The following SHISA9 variants were observed in gnomAD, a reference collection of about 807,000 sequenced individuals.
SHISA9 encodes the protein protein shisa-9.
SHISA9 carries 13 observed loss-of-function variants against 38.0 expected under a neutral mutation model. That is an observed-to-expected ratio of 0.34 (90% CI 0.22 to 0.54). The LOEUF is 0.54. Ranked by LOEUF, SHISA9 falls within the 20% of genes least tolerant of loss-of-function variation. SHISA9 has a pLI of 0.91. For missense variants in SHISA9, 538 were observed against 575.8 expected, an observed-to-expected ratio of 0.93 and a Z score of 0.67; for synonymous variants, 275 against 242.0, an observed-to-expected ratio of 1.14 and a Z score of -1.27.
chr16:13,470,836 C>G, the SHISA9 span, among the ~76,000 whole-genome samples: 1 of 152,170 alleles, frequency 6.6e-6, no homozygotes, highest in East Asian at 1.9e-4. Flanking sequence ...CTCAGAGTCT[C>G]ATTTCAGGGG....
At chr16:13,191,960 G>T (rs929508619) in intron 2 of SHISA9, among the ~76,000 whole-genome samples, 1 of 152,132 alleles carries the variant, frequency 6.6e-6, no homozygotes, top group Admixed American at 6.5e-5. Flanking sequence ...AGGAGTGAGG[G>T]TTGGAAACTG....
chr16:13,189,279 G>A (rs1185971656), intron 2 of SHISA9, among the ~76,000 whole-genome samples: 53 of 152,212 alleles, frequency 3.5e-4, no homozygotes, highest in Non-Finnish European at 7.3e-5. Context: ...CATGGTAGAA[G>A]GAAGATGCTC....
the SHISA9 span, among the ~76,000 whole-genome samples, chr16:13,535,414 C>T: frequency 6.6e-6 from 1 of 152,094 alleles, no homozygotes; most frequent in Admixed American, 6.6e-5. Context: ...TCAATCTGGC[C>T]ACTTATTACT....
chr16:13,013,496 C>T (rs1596584346), intron 2 of SHISA9, among the ~76,000 whole-genome samples: 1 of 152,112 alleles, frequency 6.6e-6, no homozygotes, highest in Non-Finnish European at 1.5e-5. Context: ...CTAAGTTCCG[C>T]GTGGCTAGGG....
chr16:13,437,825 T>C, the SHISA9 span, among the ~76,000 whole-genome samples: 2 of 117,646 alleles, frequency 1.7e-5, no homozygotes, highest in African/African-American at 5.4e-5. Flanking sequence ...GTGGTGGATC[T>C]AAGAGAAGGC....
chr16:13,038,114 C>G (rs906864969), intron 2 of SHISA9, among the ~76,000 whole-genome samples: 1 of 152,230 alleles, frequency 6.6e-6, no homozygotes, highest in Non-Finnish European at 1.5e-5. Flanking sequence ...CTCAGCCACC[C>G]GAGTAGCTGG....
intron 2 of SHISA9, among the ~76,000 whole-genome samples, chr16:13,137,245 T>A (rs150259292): frequency 7.9e-5 from 12 of 152,256 alleles, no homozygotes; most frequent in Middle Eastern, 3.4e-3. Context: ...CCATAATAGA[T>A]GCTGTTGTGT....
At chr16:13,305,465 A>C in the SHISA9 span, among the ~76,000 whole-genome samples, 104,020 of 151,898 alleles carry the variant, frequency 0.68, 35,807 homozygotes, top group African/African-American at 0.75. Context: ...AATGTGCCTC[A>C]TGAGAATGGG....
the SHISA9 span, among the ~76,000 whole-genome samples, chr16:13,492,642 A>G: frequency 6.6e-5 from 10 of 152,216 alleles, no homozygotes; most frequent in African/African-American, 1.9e-4. Flanking sequence ...AGTATCTAAC[A>G]TAGCACCTGA....
chr16:13,397,474 C>T, the SHISA9 span, among the ~76,000 whole-genome samples: 1,014 of 152,252 alleles, frequency 6.7e-3, 7 homozygotes, highest in African/African-American at 0.023. Context: ...CTGCCCGCCC[C>T]GCTGGGGTGC....
the SHISA9 span, among the ~76,000 whole-genome samples, chr16:13,537,046 C>G: frequency 6.6e-6 from 1 of 152,136 alleles, no homozygotes; most frequent in African/African-American, 2.4e-5. Flanking sequence ...AGCTCCACTT[C>G]TGGAATCCCA....
At chr16:13,196,087 CAAAAAA>C (rs1172680715) in intron 2 of SHISA9, among the ~76,000 whole-genome samples, 1 of 14,144 alleles carries the variant, frequency 7.1e-5, no homozygotes, top group African/African-American at 3.3e-4. Context: ...GACTCTCTCT[CAAAAAA>C]AAAAAAAAAA....
chr16:13,020,563 C>T (rs1003723233), intron 2 of SHISA9, among the ~76,000 whole-genome samples: 6 of 152,170 alleles, frequency 3.9e-5, no homozygotes, highest in Non-Finnish European at 8.8e-5. Flanking sequence ...ACCTTAATGA[C>T]TTCCTTAAAG....
intron 2 of SHISA9, among the ~76,000 whole-genome samples, chr16:12,952,258 T>C (rs1463344522): frequency 6.6e-6 from 1 of 152,168 alleles, no homozygotes; most frequent in Non-Finnish European, 1.5e-5. Flanking sequence ...CCAGAGAACT[T>C]TCTGTGACCT....
the SHISA9 span, among the ~76,000 whole-genome samples, chr16:13,406,927 G>T: frequency 7.2e-5 from 11 of 152,068 alleles, no homozygotes; most frequent in African/African-American, 2.2e-4. Context: ...AATTAGCTGG[G>T]TGTGGTGGCG....
the SHISA9 span, among the ~76,000 whole-genome samples, chr16:13,550,379 T>A: frequency 6.6e-6 from 1 of 152,212 alleles, no homozygotes; most frequent in African/African-American, 2.4e-5. Flanking sequence ...AAACCTTCTA[T>A]AATTTGAACT....
chr16:13,544,484 T>C, the SHISA9 span, among the ~76,000 whole-genome samples: 1 of 140,588 alleles, frequency 7.1e-6, no homozygotes, highest in Non-Finnish European at 1.5e-5. Context: ...TGCACGGACA[T>C]GACTCTTGAA....
chr16:13,412,338 G>A, the SHISA9 span, among the ~76,000 whole-genome samples: 2 of 152,118 alleles, frequency 1.3e-5, no homozygotes, highest in African/African-American at 4.8e-5. Context: ...ATGAAAATAG[G>A]GATGTTAGAG....
the SHISA9 span, among the ~76,000 whole-genome samples, chr16:13,559,612 A>G: frequency 2.7e-3 from 418 of 152,178 alleles, 2 homozygotes; most frequent in African/African-American, 9.3e-3. Context: ...TAAACTCCTC[A>G]TCTCAAGCAA....
Sources: allele counts gnomAD v4.1 joint callset (sites outside exome capture counted in the v4.1 genomes callset), GRCh38; gene constraint gnomAD v4.1.1; transcripts MANE v1.5; gene names NCBI Gene and HGNC (gene_info 2026-07-23, HGNC 2026-07-21).